The following STAM variants were observed in gnomAD, a reference collection of about 807,000 sequenced individuals.
STAM encodes signal transducing adaptor molecule.
A neutral mutation model predicts 63.4 loss-of-function variants in STAM; 16 were observed. The observed-to-expected ratio is 0.25, with a 90% confidence interval of 0.17 to 0.38. STAM has a LOEUF of 0.38. Among genes scored for constraint, STAM ranks in the 10% least tolerant of loss-of-function variants. The probability of loss-of-function intolerance (pLI) is 1.00; values close to 1 mark genes in which losing one functional copy is unlikely to be tolerated. For synonymous variants in STAM, 238 were observed against 223.9 expected, an observed-to-expected ratio of 1.06 and a Z score of -0.56; for missense variants, 636 against 657.1, an observed-to-expected ratio of 0.97 and a Z score of 0.35.
chr10:17,646,883 A>G (rs1285508889), intron 1 of STAM, among the ~76,000 whole-genome samples: 1 of 152,228 alleles, frequency 6.6e-6, no homozygotes, highest in Non-Finnish European at 1.5e-5. Context: ...AACTCATTTG[A>G]TACAGTTATT....
At chr10:17,671,814 G>A (rs1213866353) in intron 2 of STAM, among the ~76,000 whole-genome samples, 6 of 151,886 alleles carry the variant, frequency 4.0e-5, no homozygotes, top group African/African-American at 1.5e-4. Context: ...CTGTTATTTT[G>A]TTATGTCCTG....
At chr10:17,671,093 C>T (rs375611263) in intron 2 of STAM, among the ~76,000 whole-genome samples, 1 of 152,118 alleles carries the variant, frequency 6.6e-6, no homozygotes, top group African/African-American at 2.4e-5. Flanking sequence ...ATATTTAGTT[C>T]ATTCAGCAAA....
At chr10:17,654,947 A>G (rs538494283) in intron 1 of STAM, among the ~76,000 whole-genome samples, 3 of 152,308 alleles carry the variant, frequency 2.0e-5, no homozygotes, top group East Asian at 1.9e-4. Flanking sequence ...CAGCCAGCCT[A>G]GATTCTTCAT....
rs142903210 is a variant in STAM, at chr10:17,657,049, A to G, written c.41-3415A>G. Among the ~76,000 whole-genome samples, 1,371 of 152,116 alleles carry G rather than the reference A, an allele frequency of 9.0e-3. 12 individuals carry two copies. Among genetic ancestry groups the G allele is most frequent in the African/African-American group, 0.031 (1,298 of 41,480 alleles). On this transcript the variant is annotated intron_variant, in intron 1 of 13. Coordinates refer to ENST00000377524, the MANE Select transcript of STAM (RefSeq NM_003473.4). ...AGAAAGTTGTATGCATGCCCATCGG[A>G]GGCTTTTTTCCCTTTTCTGGTGGAG... is the stretch of plus-strand genomic sequence containing the variant.
chr10:17,671,907 C>T (rs1193006692), intron 2 of STAM, among the ~76,000 whole-genome samples: 4 of 152,114 alleles, frequency 2.6e-5, no homozygotes, highest in African/African-American at 9.7e-5. Context: ...GTAATATATA[C>T]AGGAATTAGA....
At chr10:17,706,314 A>G (rs558867595) in intron 12 of STAM, among the ~76,000 whole-genome samples, 4 of 150,448 alleles carry the variant, frequency 2.7e-5, no homozygotes, top group African/African-American at 9.8e-5. Flanking sequence ...AAAAAATTAC[A>G]GATATATCCA....
intron 2 of STAM, among the ~76,000 whole-genome samples, chr10:17,662,901 C>T (rs1554823046): frequency 6.6e-6 from 1 of 152,168 alleles, no homozygotes; most frequent in African/African-American, 2.4e-5. Context: ...CCAAGCTAGA[C>T]CACTTCATGT....
chr10:17,652,469 GTA>G (rs1833778423), intron 1 of STAM, among the ~76,000 whole-genome samples: 1 of 152,170 alleles, frequency 6.6e-6, no homozygotes, highest in Non-Finnish European at 1.5e-5. Context: ...GCTGATAACT[GTA>G]TCATATGTTC....
chr10:17,708,242 C>A (rs1262213087), intron 12 of STAM, among the ~76,000 whole-genome samples: 1 of 152,074 alleles, frequency 6.6e-6, no homozygotes, highest in South Asian at 2.1e-4. Context: ...CTGACAGAGC[C>A]GAGTAGTTGT....
intron 1 of STAM, among the ~76,000 whole-genome samples, chr10:17,655,893 G>A (rs1261748794): frequency 6.6e-6 from 1 of 152,116 alleles, no homozygotes; most frequent in Non-Finnish European, 1.5e-5. Flanking sequence ...CTTCTGTACA[G>A]CTGTTGTTTT....
At chr10:17,704,306 A>C in intron 9 of STAM, 125 bp from the exon 10 acceptor site, 1 of 764,438 alleles carries the variant, frequency 1.3e-6, no homozygotes, top group South Asian at 1.7e-5. Context: ...CACTGACAAC[A>C]TAAAAGCAAA....
chr10:17,707,977 G>A (rs1836373447), intron 12 of STAM, among the ~76,000 whole-genome samples: 1 of 151,550 alleles, frequency 6.6e-6, no homozygotes, highest in Non-Finnish European at 1.5e-5. Flanking sequence ...TGCCAGCTCC[G>A]CCTCCTGGGT....
intron 1 of STAM, among the ~76,000 whole-genome samples, chr10:17,657,218 C>T (rs1833975716): frequency 6.6e-6 from 1 of 152,078 alleles, no homozygotes; most frequent in African/African-American, 2.4e-5. Context: ...ATGTTTAACA[C>T]TTGTGGACTG....
In STAM at chr10:17,660,624, A is replaced by G. The variant is rs1256629377; in HGVS notation, c.125+76A>G. On this transcript the variant is annotated intron_variant, in intron 2 of 13. Transcript: ENST00000377524. ...CGAAAGGCCAGGTGCAGTGGCTTGC[A>G]CCTGTAGGCCCAGCCCCTCGGTAGG... 4.4e-6 allele frequency: 5 copies of G among 1,140,502 alleles called. No homozygotes were observed. The African/African-American group carries it at 7.9e-5, about 18-fold the overall frequency. The allele number at this position is 1,140,502 out of a possible 1,614,324, so 70.6% of individuals were successfully genotyped here. A position where few individuals can be genotyped will look rare whatever the true frequency, so the allele number is the denominator to read the frequency against.
chr10:17,694,229 G>A (rs1202543144), intron 6 of STAM, among the ~76,000 whole-genome samples: 2 of 152,060 alleles, frequency 1.3e-5, no homozygotes, highest in African/African-American at 4.8e-5. Context: ...ATTTTATCAA[G>A]TAGAAATTTT....
chr10:17,665,285 A>C (rs1025341157), intron 2 of STAM, among the ~76,000 whole-genome samples: 2 of 152,104 alleles, frequency 1.3e-5, no homozygotes, highest in African/African-American at 4.8e-5. Context: ...TGATTATATA[A>C]AGTATTTATT....
intron 13 of STAM, among the ~76,000 whole-genome samples, chr10:17,710,577 C>T (rs1554829974): frequency 2.0e-5 from 3 of 152,192 alleles, no homozygotes; most frequent in South Asian, 2.1e-4. Context: ...CTTGCTTTTC[C>T]ACCTCTCAGC....
intron 8 of STAM, among the ~76,000 whole-genome samples, chr10:17,699,929 G>A (rs1554828139): frequency 1.3e-5 from 2 of 152,062 alleles, no homozygotes; most frequent in African/African-American, 4.8e-5. Flanking sequence ...CCTTTTTTCA[G>A]AAATACAACT....
intron 2 of STAM, among the ~76,000 whole-genome samples, chr10:17,668,218 A>C (rs1834477948): frequency 6.6e-6 from 1 of 152,242 alleles, no homozygotes; most frequent in Admixed American, 6.5e-5. Flanking sequence ...AGATTTTTAA[A>C]TAAACTGCAA....
Sources: gnomAD v4.1 joint callset for allele counts (sites outside exome capture counted in the v4.1 genomes callset) on GRCh38, gnomAD v4.1.1 for gene constraint, MANE v1.5 for transcripts, NCBI Gene and HGNC (gene_info 2026-07-23, HGNC 2026-07-21) for gene names.